The following GCNT2 variants were observed in gnomAD, a reference collection of about 807,000 sequenced individuals.
GCNT2 encodes the protein glucosaminyl (N-acetyl) transferase 2 (I blood group), also known as N-acetyllactosaminide beta-1,6-N-acetylglucosaminyl-transferase.
A neutral mutation model predicts 34.2 loss-of-function variants in GCNT2; 34 were observed. The ratio of observed to expected loss-of-function variants is 1.00; its 90% confidence interval spans 0.76 to 1.32. The LOEUF (loss-of-function observed/expected upper bound fraction) is 1.32, where lower values mean the gene tolerates loss of function less well. Ranked by LOEUF, GCNT2 falls within the 40% of genes most tolerant of loss-of-function variation. The pLI, the probability that GCNT2 is intolerant of heterozygous loss-of-function variation, is 0.00. For missense variants in GCNT2, 584 were observed against 489.4 expected (o/e 1.19, Z -1.82); for synonymous variants, 212 against 188.0 (o/e 1.13, Z -1.04).
At chr6:10,524,515 G>A (rs1761097094) in intron 1 of GCNT2, among the ~76,000 whole-genome samples, 1 of 152,160 alleles carries the variant, frequency 6.6e-6, no homozygotes, top group Non-Finnish European at 1.5e-5. Context: ...TTTAAGCCCT[G>A]TTGCTGGAAG....
At chr6:10,558,779 C>T (rs950652039) in intron 3 of GCNT2, among the ~76,000 whole-genome samples, 24 of 152,240 alleles carry the variant, frequency 1.6e-4, no homozygotes, top group South Asian at 4.1e-4. Flanking sequence ...GTTTGAATCC[C>T]AGGGTGACTT....
intron 3 of GCNT2, among the ~76,000 whole-genome samples, chr6:10,534,287 G>A (rs749247025): frequency 2.6e-5 from 4 of 151,808 alleles, no homozygotes; most frequent in Admixed American, 2.6e-4. Context: ...GATTACAGGT[G>A]CATGACACCA....
chr6:10,577,971 C>G (rs1033438407), intron 3 of GCNT2, among the ~76,000 whole-genome samples: 7 of 152,212 alleles, frequency 4.6e-5, no homozygotes, highest in Non-Finnish European at 8.8e-5. Context: ...ATGACCACCC[C>G]TCACTGATTC....
At chr6:10,576,494 C>A (rs189955145) in intron 3 of GCNT2, among the ~76,000 whole-genome samples, 2 of 152,124 alleles carry the variant, frequency 1.3e-5, no homozygotes, top group South Asian at 2.1e-4. Flanking sequence ...ATAATTGAAG[C>A]CTTCCCTTTT....
At chr6:10,544,641 A>C (rs955888678) in intron 3 of GCNT2, among the ~76,000 whole-genome samples, 1 of 149,622 alleles carries the variant, frequency 6.7e-6, no homozygotes, top group Admixed American at 6.6e-5. Context: ...ATATTAAATA[A>C]ATAAATAAAT....
At chr6:10,524,345 G>T (rs1452919140) in intron 1 of GCNT2, among the ~76,000 whole-genome samples, 4 of 151,586 alleles carry the variant, frequency 2.6e-5, no homozygotes, top group Non-Finnish European at 5.9e-5. Context: ...TCGCCTCCCG[G>T]GGTTCAAGCG....
chr6:10,570,444 A>G (rs1763507573), intron 3 of GCNT2, among the ~76,000 whole-genome samples: 1 of 152,364 alleles, frequency 6.6e-6, no homozygotes, highest in East Asian at 1.9e-4. Context: ...TTAAAAGATC[A>G]GAACTTAACT....
At chr6:10,588,898 T>TTGTGTGTG (rs1247270461) in intron 3 of GCNT2, among the ~76,000 whole-genome samples, 2 of 139,474 alleles carry the variant, frequency 1.4e-5, no homozygotes, top group Admixed American at 7.2e-5. Context: ...AGCGTGTGTG[T>TTGTGTGTG]TGTGTGGTGT....
chr6:10,528,038 G>T (rs921727340), intron 2 of GCNT2, among the ~76,000 whole-genome samples: 2 of 152,094 alleles, frequency 1.3e-5, no homozygotes, highest in African/African-American at 4.8e-5. Flanking sequence ...CACTATGTTA[G>T]CCTGTATGCA....
intron 3 of GCNT2, among the ~76,000 whole-genome samples, chr6:10,580,607 C>T (rs1361525965): frequency 1.3e-5 from 2 of 148,576 alleles, no homozygotes; most frequent in Non-Finnish European, 3.0e-5. Flanking sequence ...CATCAAAAAG[C>T]ATTGCCTTAA....
intron 3 of GCNT2, among the ~76,000 whole-genome samples, chr6:10,594,398 T>C: frequency 6.6e-6 from 1 of 152,224 alleles, no homozygotes; most frequent in Non-Finnish European, 1.5e-5. Flanking sequence ...ATGAAAGTGG[T>C]ATGCAAATAA....
chr6:10,536,083 A>C (rs1761737702), intron 3 of GCNT2, among the ~76,000 whole-genome samples: 1 of 152,118 alleles, frequency 6.6e-6, no homozygotes, highest in South Asian at 2.1e-4. Flanking sequence ...CCAGGTGCCG[A>C]GACCTTGAGA....
chr6:10,536,720 T>C (rs1274691934), intron 3 of GCNT2, among the ~76,000 whole-genome samples: 5 of 150,404 alleles, frequency 3.3e-5, no homozygotes, highest in Non-Finnish European at 5.9e-5. Flanking sequence ...TTTTTTTTTT[T>C]TGAGATGGAG....
intron 3 of GCNT2, among the ~76,000 whole-genome samples, chr6:10,561,506 T>G (rs939885843): frequency 2.0e-5 from 3 of 152,244 alleles, no homozygotes; most frequent in Non-Finnish European, 4.4e-5. Context: ...GCAGAGCACC[T>G]GAAGCCATTT....
intron 3 of GCNT2, among the ~76,000 whole-genome samples, chr6:10,580,468 T>C (rs964812017): frequency 4.6e-5 from 7 of 152,200 alleles, no homozygotes; most frequent in Admixed American, 4.6e-4. Context: ...TTTTGGTTGC[T>C]TGGAGATCTG....
At chr6:10,582,436 ATATT>A (rs1270220895) in intron 3 of GCNT2, among the ~76,000 whole-genome samples, 26 of 119,276 alleles carry the variant, frequency 2.2e-4, no homozygotes, top group East Asian at 8.3e-4. Context: ...CTATAATTTA[ATATT>A]TATTATATAA....
chr6:10,565,960 C>T (rs549407392), intron 3 of GCNT2, among the ~76,000 whole-genome samples: 38 of 152,254 alleles, frequency 2.5e-4, no homozygotes, highest in African/African-American at 8.9e-4. Flanking sequence ...CCTTCCCCTA[C>T]GGTGTATGGA....
At chr6:10,601,841 T>C (rs1765097100) in intron 3 of GCNT2, among the ~76,000 whole-genome samples, 1 of 149,728 alleles carries the variant, frequency 6.7e-6, no homozygotes, top group Non-Finnish European at 1.5e-5. Flanking sequence ...CTCAGGAGGC[T>C]GAGGCAGGAG....
intron 3 of GCNT2, among the ~76,000 whole-genome samples, chr6:10,582,980 A>G (rs1331931888): frequency 2.0e-5 from 3 of 152,124 alleles, no homozygotes; most frequent in Non-Finnish European, 4.4e-5. Context: ...GAGGTTAAGT[A>G]ACTTTACCCA....
Sources: gnomAD v4.1 joint callset for allele counts (sites outside exome capture counted in the v4.1 genomes callset) on GRCh38, gnomAD v4.1.1 for gene constraint, MANE v1.5 for transcripts, NCBI Gene and HGNC (gene_info 2026-07-23, HGNC 2026-07-21) for gene names.